The following FNDC3B variants were observed in gnomAD, a reference collection of about 807,000 sequenced individuals.
The protein encoded by FNDC3B is fibronectin type III domain containing 3B.
Under a neutral mutation model 151.5 loss-of-function variants are expected in FNDC3B, and 12 were observed. The observed-to-expected ratio is 0.08, with a 90% CI of 0.05 to 0.13. FNDC3B has a LOEUF of 0.13. FNDC3B is among the 10% of genes least tolerant of loss of function. FNDC3B has a pLI of 1.00. For missense variants in FNDC3B, 1,214 were observed against 1,505.3 expected, an observed-to-expected ratio of 0.81 and a Z score of 3.20; for synonymous variants, 528 against 549.0, an observed-to-expected ratio of 0.96 and a Z score of 0.54.
intron 1 of FNDC3B, among the ~76,000 whole-genome samples, chr3:172,046,530 T>C (rs1030219991): frequency 1.3e-5 from 2 of 151,864 alleles, no homozygotes; most frequent in Non-Finnish European, 2.9e-5. Context: ...ACTTTGTGGC[T>C]CAGGCTGGTC....
chr3:172,394,111 A>T (rs1736157755), intron 25 of FNDC3B, among the ~76,000 whole-genome samples: 1 of 106,980 alleles, frequency 9.3e-6, no homozygotes, highest in Non-Finnish European at 1.8e-5. Flanking sequence ...CCTTCTAAAA[A>T]AAAAAAAAAA....
chr3:172,289,935 G>A (rs1453699534), intron 7 of FNDC3B, among the ~76,000 whole-genome samples: 3 of 152,160 alleles, frequency 2.0e-5, no homozygotes, highest in African/African-American at 7.2e-5. Context: ...ATACTACCTG[G>A]GACTATATGA....
intron 1 of FNDC3B, among the ~76,000 whole-genome samples, chr3:172,095,409 C>T (rs918091595): frequency 3.9e-5 from 6 of 152,162 alleles, no homozygotes; most frequent in East Asian, 1.9e-4. Context: ...TGCCCATTGG[C>T]GCCACTGGGC....
chr3:172,336,946 A>C (rs1031312436), intron 15 of FNDC3B, among the ~76,000 whole-genome samples: 4 of 152,160 alleles, frequency 2.6e-5, no homozygotes, highest in Non-Finnish European at 5.9e-5. Context: ...TCACTGATAA[A>C]ATAAGTGAAA....
intron 1 of FNDC3B, among the ~76,000 whole-genome samples, chr3:172,093,325 C>G (rs1718933505): frequency 6.6e-6 from 1 of 150,666 alleles, no homozygotes; most frequent in African/African-American, 2.4e-5. Flanking sequence ...GTGGCACTAT[C>G]TTGGCTCACT....
intron 3 of FNDC3B, among the ~76,000 whole-genome samples, chr3:172,191,857 A>G (rs1474745695): frequency 1.3e-5 from 2 of 152,066 alleles, no homozygotes; most frequent in South Asian, 2.1e-4. Context: ...CCAACTCTCA[A>G]TCAATTGACT....
intron 3 of FNDC3B, among the ~76,000 whole-genome samples, chr3:172,177,013 G>C (rs1272898809): frequency 6.6e-6 from 1 of 152,190 alleles, no homozygotes; most frequent in Non-Finnish European, 1.5e-5. Flanking sequence ...AAGATTCTTG[G>C]TGAAGACAGG....
Position 172,344,150 on chromosome 3 carries a change from A to G in FNDC3B, c.2142A>G (p.Glu714=). Residue 714 remains glutamate, a synonymous_variant, in exon 19 of 26, where the codon GAA becomes GAG. Coordinates refer to ENST00000415807, the MANE Select transcript of FNDC3B (RefSeq NM_022763.4). ...ACAGCGTGGAGATGACGGAGCCCGA[A>G]GACGTAGCCTCGGAAGTGTACCATG... ...SEYSVEMTEP[E]DVASEVYHGP... 1 of 1,614,194 alleles carries G rather than the reference A, an allele frequency of 6.2e-7. No homozygotes were observed. Among genetic ancestry groups the G allele is most frequent in the Non-Finnish European group, 8.5e-7 (1 of 1,180,028 alleles).
chr3:172,068,433 T>C (rs1218082139), intron 1 of FNDC3B, among the ~76,000 whole-genome samples: 1 of 150,308 alleles, frequency 6.7e-6, no homozygotes, highest in African/African-American at 2.4e-5. Flanking sequence ...CTTTTTTTTT[T>C]TTTTTTTTGA....
At chr3:172,080,941 C>CGTTGTT (rs1437072307) in intron 1 of FNDC3B, among the ~76,000 whole-genome samples, 1 of 152,142 alleles carries the variant, frequency 6.6e-6, no homozygotes, top group Non-Finnish European at 1.5e-5. Flanking sequence ...CAGCTGCTTA[C>CGTTGTT]GTTGTTTCCC....
At chr3:172,115,955 C>T (rs1720226936) in intron 2 of FNDC3B, among the ~76,000 whole-genome samples, 1 of 152,354 alleles carries the variant, frequency 6.6e-6, no homozygotes, top group East Asian at 1.9e-4. Context: ...CTTCTGATTT[C>T]TGTTCTGCTG....
intron 23 of FNDC3B, among the ~76,000 whole-genome samples, chr3:172,367,213 G>C (rs1341974758): frequency 6.6e-6 from 1 of 152,096 alleles, no homozygotes; most frequent in East Asian, 1.9e-4. Flanking sequence ...CCTTAAAGTA[G>C]TGCTTCATAT....
chr3:172,058,728 G>T (rs980893015), intron 1 of FNDC3B, among the ~76,000 whole-genome samples: 1 of 152,172 alleles, frequency 6.6e-6, no homozygotes, highest in Non-Finnish European at 1.5e-5. Flanking sequence ...CAGTCTTTGT[G>T]TCTAGAGGAG....
Position 172,398,157 on chromosome 3 carries a change from A to C in FNDC3B, c.*682A>C, listed in dbSNP as rs1297272408. 6.5e-6 allele frequency: 1 copy of C among 152,688 alleles called. No individual in the cohort carries two copies. The highest frequency in any genetic ancestry group is 1.5e-5 in the Non-Finnish European group (1 of 68,052). The allele number at this position is 152,688 out of a possible 1,614,324, so 9.5% of individuals were successfully genotyped here. On this transcript the variant is annotated 3_prime_UTR_variant, in exon 26 of 26. Coordinates refer to ENST00000415807, the MANE Select transcript of FNDC3B (RefSeq NM_022763.4). ...AGAATGCACCTATAAATTATGGAGCATTGTAGATTTTACCACATCAATTCA... is the reference window on the plus strand; with the variant it reads ...AGAATGCACCTATAAATTATGGAGCCTTGTAGATTTTACCACATCAATTCA...
At chr3:172,098,796 A>T (rs1719221901) in intron 1 of FNDC3B, among the ~76,000 whole-genome samples, 1 of 152,200 alleles carries the variant, frequency 6.6e-6, no homozygotes, top group African/African-American at 2.4e-5. Flanking sequence ...GTAGGCAGTT[A>T]GGGCCTGTGA....
At position 172,173,821 on chromosome 3, in the gene FNDC3B, G is replaced by C. The variant is rs532986440; in HGVS notation, c.187+40275G>C. 6.6e-5 allele frequency among the ~76,000 whole-genome samples: 10 copies of C among 151,958 alleles called. 1 individual carries two copies. The highest frequency in any genetic ancestry group is 6.6e-4 in the Admixed American group (10 of 15,252). ...GGCAACAGAGCAAGACCCTGTCTGG[G>C]GGAGGGGTGGGGCGCGGGGTGGGAA... is the stretch of plus-strand genomic sequence containing the variant. On this transcript the variant is annotated intron_variant, in intron 3 of 25. Transcript: ENST00000415807.
rs545725380 is a variant in FNDC3B, at chr3:172,387,299, T to C, written c.3303+6206T>C. Among the ~76,000 whole-genome samples, 6 of 152,264 alleles carry C rather than the reference T, an allele frequency of 3.9e-5. No homozygotes were observed. In the South Asian group the frequency reaches 1.2e-3, roughly 32 times the overall value. On this transcript the variant is annotated intron_variant, in intron 25 of 25. Transcript: ENST00000415807. ...TTTTAGTGGAGATAGGTTTTCACCATGTTGGCCAGGCTGGTCTCCAACTCC... is the reference window on the plus strand; with the variant it reads ...TTTTAGTGGAGATAGGTTTTCACCACGTTGGCCAGGCTGGTCTCCAACTCC...
intron 11 of FNDC3B, among the ~76,000 whole-genome samples, chr3:172,324,038 C>T (rs1006804381): frequency 6.6e-6 from 1 of 152,066 alleles, no homozygotes; most frequent in African/African-American, 2.4e-5. Context: ...CAGCTTAGGG[C>T]AGGTGAACTC....
chr3:172,157,234 A>C (rs1341710837), intron 3 of FNDC3B, among the ~76,000 whole-genome samples: 1 of 152,154 alleles, frequency 6.6e-6, no homozygotes, highest in Non-Finnish European at 1.5e-5. Flanking sequence ...AACTTATCCA[A>C]AGTAGTGGTA....
Sources: gnomAD v4.1 joint callset for allele counts (sites outside exome capture counted in the v4.1 genomes callset) on GRCh38, gnomAD v4.1.1 for gene constraint, MANE v1.5 for transcripts, NCBI Gene and HGNC (gene_info 2026-07-23, HGNC 2026-07-21) for gene names.